C10orf90: variants seen among roughly 807,000 people sequenced by gnomAD.
The protein encoded by C10orf90 is chromosome 10 open reading frame 90, also known as (E2-independent) E3 ubiquitin-conjugating enzyme FATS.
In C10orf90, 56 loss-of-function variants were observed where a neutral mutation model predicts 62.5. The observed-to-expected ratio is 0.90, with a 90% confidence interval of 0.72 to 1.12. C10orf90 has a LOEUF of 1.12. Among genes scored for constraint, C10orf90 ranks in the 50% most tolerant of loss-of-function variants. The pLI is 0.00. For missense variants in C10orf90, 970 were observed against 880.4 expected (o/e 1.10, Z -1.29); for synonymous variants, 386 against 340.4 (o/e 1.13, Z -1.47).
intron 2 of C10orf90, chr10:126,520,846 A>C (rs1216916700): frequency 6.5e-6 from 1 of 154,038 alleles, no homozygotes; most frequent in Non-Finnish European, 1.4e-5. Context: ...CCACCTGCAC[A>C]TGGCCATCTT....
intron 1 of C10orf90, among the ~76,000 whole-genome samples, chr10:126,668,325 G>A (rs1312383329): frequency 1.3e-5 from 2 of 152,128 alleles, no homozygotes; most frequent in African/African-American, 2.4e-5. Context: ...AGTACTTTGT[G>A]GTCAAAGCCC....
intron 3 of C10orf90, among the ~76,000 whole-genome samples, chr10:126,507,150 G>A (rs1055860609): frequency 6.6e-6 from 1 of 152,138 alleles, no homozygotes; most frequent in African/African-American, 2.4e-5. Context: ...GAGGTCAGGA[G>A]ATTAAGACAA....
rs1345135296 is a variant in C10orf90 at position 126,456,153 on chromosome 10, TC to T, written c.2188+2886del. ...AAACATCTGCATTTTGCTTTTATCA[TC>T]TTGCCAGCAGACAGGCTGAAGACAA... On this transcript the variant is annotated intron_variant, in intron 7 of 9. Transcript: ENST00000488181. The surrounding 1 kb of genome is among the most constrained non-coding windows in gnomAD (Gnocchi z 4.9). Among the ~76,000 whole-genome samples the T allele has an allele frequency of 6.6e-6, 1 of 152,248 alleles. No homozygotes were observed. The highest frequency in any genetic ancestry group is 2.4e-5 in the African/African-American group (1 of 41,470).
intron 2 of C10orf90, among the ~76,000 whole-genome samples, chr10:126,573,121 C>T (rs1844541198): frequency 6.6e-6 from 1 of 152,152 alleles, no homozygotes; most frequent in Admixed American, 6.5e-5. Context: ...AAAAACCGAG[C>T]TCCCCAAGTG....
At chr10:126,434,192 C>T (rs746579927) in intron 7 of C10orf90, among the ~76,000 whole-genome samples, 32 of 152,190 alleles carry the variant, frequency 2.1e-4, no homozygotes, top group Admixed American at 1.2e-3. Flanking sequence ...AAAGCCCAGA[C>T]ATCCCATTAA....
intron 4 of C10orf90, among the ~76,000 whole-genome samples, chr10:126,472,353 A>G (rs937261277): frequency 6.6e-6 from 1 of 152,174 alleles, no homozygotes; most frequent in Non-Finnish European, 1.5e-5. Flanking sequence ...TGCTCACGGT[A>G]TTTGTCTCTG....
chr10:126,652,159 T>C (rs188692646), intron 1 of C10orf90, among the ~76,000 whole-genome samples: 58 of 152,362 alleles, frequency 3.8e-4, no homozygotes, highest in Non-Finnish European at 7.8e-4. Flanking sequence ...AATGCAACCC[T>C]GCACCTATAA....
At chr10:126,553,283 T>C (rs1864680411) in intron 2 of C10orf90, among the ~76,000 whole-genome samples, 1 of 152,146 alleles carries the variant, frequency 6.6e-6, no homozygotes, top group South Asian at 2.1e-4. Flanking sequence ...TATTACGAAC[T>C]CCTACAAATC....
intron 4 of C10orf90, among the ~76,000 whole-genome samples, chr10:126,493,912 C>A (rs1466339116): frequency 6.6e-6 from 1 of 152,232 alleles, no homozygotes; most frequent in Non-Finnish European, 1.5e-5. Flanking sequence ...AAATGTACAA[C>A]ACTGTGACAT....
At chr10:126,442,928 A>G (rs1858494409) in intron 7 of C10orf90, among the ~76,000 whole-genome samples, 1 of 152,072 alleles carries the variant, frequency 6.6e-6, no homozygotes, top group Non-Finnish European at 1.5e-5. Flanking sequence ...CAAAAACGAA[A>G]TCAAGATGGA....
At chr10:126,556,330 C>CA (rs933581935) in intron 2 of C10orf90, among the ~76,000 whole-genome samples, 33 of 152,292 alleles carry the variant, frequency 2.2e-4, no homozygotes, top group African/African-American at 7.7e-4. Flanking sequence ...GGGGACTCTG[C>CA]AAAGGGCGCT....
chr10:126,563,284 G>A (rs7894040), intron 2 of C10orf90, among the ~76,000 whole-genome samples: 112,870 of 152,008 alleles, frequency 0.74, 42,941 homozygotes, highest in East Asian at 0.97. Flanking sequence ...CCCTCACACC[G>A]CATCTGGCCT....
intron 7 of C10orf90, among the ~76,000 whole-genome samples, chr10:126,444,697 A>G (rs1231789542): frequency 7.2e-5 from 11 of 152,306 alleles, no homozygotes; most frequent in African/African-American, 1.9e-4. Context: ...AAATCAAAAA[A>G]GAGCCCACAT....
chr10:126,477,894 T>A (rs1860973281), intron 4 of C10orf90, among the ~76,000 whole-genome samples: 1 of 152,196 alleles, frequency 6.6e-6, no homozygotes. Flanking sequence ...CTGATCATGG[T>A]GTAGTTCCCA....
chr10:126,569,402 C>T (rs905765677), intron 2 of C10orf90, among the ~76,000 whole-genome samples: 1 of 152,094 alleles, frequency 6.6e-6, no homozygotes, highest in South Asian at 2.1e-4. Context: ...TTCCTTATAA[C>T]CTGTAAGGTC....
chr10:126,559,381 C>G (rs1207009944), intron 2 of C10orf90, among the ~76,000 whole-genome samples: 1 of 152,186 alleles, frequency 6.6e-6, no homozygotes, highest in African/African-American at 2.4e-5. Context: ...TTTTTATGGA[C>G]ACCTGATATC....
At chr10:126,601,363 T>C (rs947148698) in intron 2 of C10orf90, among the ~76,000 whole-genome samples, 1 of 152,218 alleles carries the variant, frequency 6.6e-6, no homozygotes, top group African/African-American at 2.4e-5. Flanking sequence ...AAAGTAACTA[T>C]GTGTATGGTA....
At chr10:126,594,126 T>TTTA (rs1554922656) in intron 2 of C10orf90, among the ~76,000 whole-genome samples, 4 of 149,906 alleles carry the variant, frequency 2.7e-5, no homozygotes, top group African/African-American at 9.8e-5. Flanking sequence ...TTTTTTTTTT[T>TTTA]AACCTAAAAT....
chr10:126,657,141 GT>G (rs11379211), intron 1 of C10orf90, among the ~76,000 whole-genome samples: 15 of 151,470 alleles, frequency 9.9e-5, no homozygotes, highest in East Asian at 5.8e-4. Flanking sequence ...TATTTTGAAT[GT>G]TTTTTTTTAA....
Sources: gnomAD v4.1 joint callset for allele counts (sites outside exome capture counted in the v4.1 genomes callset) on GRCh38, gnomAD v4.1.1 for gene constraint, Gnocchi (gnomAD v3.1) non-coding constraint, MANE v1.5 for transcripts, NCBI Gene and HGNC (gene_info 2026-07-23, HGNC 2026-07-21) for gene names.